YBEY: variants seen among roughly 807,000 people sequenced by gnomAD.
The protein encoded by YBEY is endoribonuclease YbeY.
Under a neutral mutation model 13.5 loss-of-function variants are expected in YBEY, and 15 were observed. The ratio of observed to expected loss-of-function variants is 1.11; its 90% CI spans 0.75 to 1.72. The LOEUF is 1.72. YBEY is among the 40% of genes most tolerant of loss of function. The probability of loss-of-function intolerance (pLI) is 0.00; values close to 1 mark genes in which losing one functional copy is unlikely to be tolerated. For synonymous variants in YBEY, 101 were observed against 83.1 expected, an observed-to-expected ratio of 1.21 and a Z score of -1.17; for missense variants, 244 against 208.4, an observed-to-expected ratio of 1.17 and a Z score of -1.05.
the YBEY span, among the ~76,000 whole-genome samples, chr21:46,306,241 G>C: frequency 6.6e-6 from 1 of 152,218 alleles, no homozygotes; most frequent in African/African-American, 2.4e-5. Context: ...GGGCATGGTG[G>C]CTCACGCCTG....
At chr21:46,309,273 C>G in the YBEY span, among the ~76,000 whole-genome samples, 1 of 152,036 alleles carries the variant, frequency 6.6e-6, no homozygotes, top group Admixed American at 6.6e-5. Context: ...CCAGCCTGGT[C>G]AACATGGTGA....
chr21:46,306,043 T>G, the YBEY span, among the ~76,000 whole-genome samples: 1 of 148,970 alleles, frequency 6.7e-6, no homozygotes, highest in Non-Finnish European at 1.5e-5. Context: ...TGGACCTGCC[T>G]TAGGTGATAT....
At chr21:46,288,218 C>T (rs529894839) in intron 2 of YBEY, among the ~76,000 whole-genome samples, 2 of 152,260 alleles carry the variant, frequency 1.3e-5, no homozygotes, top group African/African-American at 2.4e-5. Context: ...CCAACAAACT[C>T]AATGTAATAG....
intron 2 of YBEY, among the ~76,000 whole-genome samples, chr21:46,290,150 G>C (rs745695311): frequency 6.6e-6 from 1 of 152,056 alleles, no homozygotes; most frequent in Non-Finnish European, 1.5e-5. Context: ...AGCTCTATTT[G>C]TCAGGTTTTT....
At chr21:46,302,559 GC>G (rs2082156172), downstream of YBEY, 5 of 1,612,136 alleles carry the variant, frequency 3.1e-6, no homozygotes, top group Non-Finnish European at 4.2e-6. Context: ...TTCTGCAGCA[GC>G]AGCAGCTCCA....
chr21:46,286,887 T>G lies in YBEY; in HGVS notation c.-27T>G. On this transcript the variant is annotated 5_prime_UTR_variant, in exon 2 of 5. Transcript: ENST00000397701. ...AACCCCAGGTTCCGTTGCAAACATT[T>G]TTAAAGGGCTGGTTATTCTTCCTGA... is the stretch of plus-strand genomic sequence containing the variant. 6.2e-7 allele frequency: 1 copy of G among 1,612,664 alleles called. No homozygotes were observed. Among genetic ancestry groups the G allele is most frequent in the South Asian group, 1.1e-5 (1 of 90,974 alleles).
At chr21:46,306,905 A>T in the YBEY span, among the ~76,000 whole-genome samples, 1,786 of 143,642 alleles carry the variant, frequency 0.012, 15 homozygotes, top group South Asian at 0.022. Flanking sequence ...ATTTTTATTT[A>T]TTTTTTTTAA....
intron 2 of YBEY, among the ~76,000 whole-genome samples, chr21:46,288,786 G>A (rs1376475150): frequency 6.6e-6 from 1 of 152,220 alleles, no homozygotes; most frequent in African/African-American, 2.4e-5. Context: ...GGGAAGCTAA[G>A]GTGGGAGGAT....
At chr21:46,306,093 G>A in the YBEY span, among the ~76,000 whole-genome samples, 2 of 149,058 alleles carry the variant, frequency 1.3e-5, no homozygotes, top group African/African-American at 2.5e-5. Flanking sequence ...AAAGACTCAT[G>A]AGATGGGAAT....
In YBEY at chr21:46,287,018, T is replaced by A. The variant is rs776607839; in HGVS notation, c.105T>A (p.Phe35Leu). 1.2e-5 allele frequency: 20 copies of A among 1,614,094 alleles called. No individual in the cohort carries two copies. Among genetic ancestry groups the A allele is most frequent in the Non-Finnish European group, 1.6e-5 (19 of 1,180,028 alleles). Residue 35 changes from phenylalanine to leucine, a missense_variant, in exon 2 of 5, where the codon TTT (phenylalanine) becomes TTA (leucine). Transcript: ENST00000397701. ...GGAGGATTTTAGGAGTGCAGAAATTTGACCTGGGGATCATCTGTGTTGACA... is the reference window on the plus strand; with the variant it reads ...GGAGGATTTTAGGAGTGCAGAAATTAGACCTGGGGATCATCTGTGTTGACA... Reference protein sequence around the residue: ...IVRRILGVQKFDLGIICVDNK... With the variant: ...IVRRILGVQKLDLGIICVDNK...
downstream of YBEY, chr21:46,297,882 C>A (rs1601608347): frequency 1.2e-6 from 1 of 854,948 alleles, no homozygotes; most frequent in Non-Finnish European, 1.5e-6. Context: ...TCTCGCCCTT[C>A]AAGGGGGTCC....
At chr21:46,302,290 T>G (rs1342927083), downstream of YBEY, 1 of 1,386,302 alleles carries the variant, frequency 7.2e-7, no homozygotes, top group African/African-American at 1.5e-5. Flanking sequence ...CAGAGGAGGC[T>G]CCTCCCCCGC....
At chr21:46,297,823 G>A, downstream of YBEY, 3 of 1,198,046 alleles carry the variant, frequency 2.5e-6, no homozygotes, top group Non-Finnish European at 3.1e-6. Flanking sequence ...GGCGTCTGGA[G>A]TTCAGGGAAC....
downstream of YBEY, chr21:46,301,581 C>A: frequency 1.0e-6 from 1 of 998,544 alleles, no homozygotes; most frequent in Non-Finnish European, 1.2e-6. Context: ...TGTTCTGGCT[C>A]CTGAGCTGAG....
the YBEY span, chr21:46,311,505 A>G: frequency 6.2e-7 from 1 of 1,612,494 alleles, no homozygotes; most frequent in South Asian, 1.1e-5. Flanking sequence ...GGGGAGGAGG[A>G]ATCTGTGCTA....
At chr21:46,295,862 T>C (rs56985872) in intron 3 of YBEY, among the ~76,000 whole-genome samples, 34,272 of 133,420 alleles carry the variant, frequency 0.26, 6,136 homozygotes, top group African/African-American at 0.52. Flanking sequence ...TCATATTCCA[T>C]CCCCCCTTGC....
intron 3 of YBEY, among the ~76,000 whole-genome samples, chr21:46,292,610 G>A (rs1244838564): frequency 1.2e-4 from 14 of 117,518 alleles, no homozygotes; most frequent in Non-Finnish European, 1.3e-4. Flanking sequence ...CCGTGCCCGG[G>A]ACTCAGTGGG....
At chr21:46,300,528 C>T (rs552030153), downstream of YBEY, 6 of 535,372 alleles carry the variant, frequency 1.1e-5, no homozygotes, top group Admixed American at 2.5e-4. Flanking sequence ...GAGCTTTTAA[C>T]GAGAGCACAG....
the YBEY span, among the ~76,000 whole-genome samples, chr21:46,305,935 G>A: frequency 1.7e-4 from 26 of 149,746 alleles, no homozygotes; most frequent in South Asian, 1.7e-3. Flanking sequence ...GCGAGACTCC[G>A]TCTCAAAAAA....
Sources: gnomAD v4.1 joint callset for allele counts (sites outside exome capture counted in the v4.1 genomes callset) on GRCh38, gnomAD v4.1.1 for gene constraint, MANE v1.5 for transcripts, NCBI Gene and HGNC (gene_info 2026-07-23, HGNC 2026-07-21) for gene names.